Variants in RGS7 observed in about 807,000 individuals in gnomAD.
The protein encoded by RGS7 is regulator of G-protein signaling 7.
A neutral mutation model predicts 81.1 loss-of-function variants in RGS7; 27 were observed. That is an observed-to-expected ratio of 0.33 (90% CI 0.25 to 0.46). The LOEUF is 0.46. Ranked by LOEUF, RGS7 falls within the 20% of genes least tolerant of loss-of-function variation. The pLI is 1.00. For synonymous variants in RGS7, 208 were observed against 207.7 expected (o/e 1.00, Z -0.01); for missense variants, 396 against 607.4 (o/e 0.65, Z 3.66).
At chr1:241,119,640 A>G (rs2066111679) in intron 2 of RGS7, among the ~76,000 whole-genome samples, 1 of 152,244 alleles carries the variant, frequency 6.6e-6, no homozygotes, top group Non-Finnish European at 1.5e-5. Flanking sequence ...GACACAATTC[A>G]TCATACAATA....
At chr1:241,341,655 T>C (rs1322905533) in intron 2 of RGS7, among the ~76,000 whole-genome samples, 1 of 152,074 alleles carries the variant, frequency 6.6e-6, no homozygotes, top group Non-Finnish European at 1.5e-5. Context: ...TAACAACGGC[T>C]AACACTGTGC....
chr1:241,071,874 C>CAAAAA lies in RGS7; in HGVS notation c.175+26787_175+26791dup, dbSNP rs58217460. On this transcript the variant is annotated intron_variant, in intron 3 of 18. Transcript: ENST00000440928. The stretch of plus-strand genomic sequence containing the variant: ...GACAGATGACAGAGTGAGACCCTGT[C>CAAAAA]AAAAAAAAAAAAAAAAAAAAACAAG... 8.7e-3 allele frequency among the ~76,000 whole-genome samples: 494 copies of CAAAAA among 56,812 alleles called. 135 individuals carry two copies. The East Asian group carries it at 0.22, about 25-fold the overall frequency. The allele number at this position is 56,812 out of a possible 152,430, so 37.3% of individuals were successfully genotyped here. A position where few individuals can be genotyped will look rare whatever the true frequency, so the allele number is the denominator to read the frequency against.
chr1:240,854,069 A>C (rs1660639381), intron 9 of RGS7, among the ~76,000 whole-genome samples: 1 of 152,146 alleles, frequency 6.6e-6, no homozygotes, highest in South Asian at 2.1e-4. Context: ...TGTCACATAT[A>C]CATTTTTGAG....
intron 5 of RGS7, among the ~76,000 whole-genome samples, chr1:240,931,782 C>T (rs116740357): frequency 0.012 from 1,828 of 152,208 alleles, 37 homozygotes; most frequent in African/African-American, 0.042. Context: ...ACTGACTAAA[C>T]TACAAAGAAA....
At position 241,135,984 on chromosome 1, in the gene RGS7, G is replaced by C. The variant is rs548259487; in HGVS notation, c.79-37222C>G. ...ACAAAAAAAAAAAAAAAACTAGTTT[G>C]TTATTCTAAGAAAGACATATTTGAA... is the stretch of plus-strand genomic sequence containing the variant. On this transcript the variant is annotated intron_variant, in intron 2 of 18. Transcript: ENST00000440928. Among the ~76,000 whole-genome samples, 3 of 150,634 alleles carry C rather than the reference G, an allele frequency of 2.0e-5. 1 individual carries two copies. Among genetic ancestry groups the C allele is most frequent in the Non-Finnish European group, 4.4e-5 (3 of 67,770 alleles).
chr1:241,211,930 C>T (rs1361041713), intron 2 of RGS7, among the ~76,000 whole-genome samples: 1 of 151,994 alleles, frequency 6.6e-6, no homozygotes, highest in Non-Finnish European at 1.5e-5. Context: ...ACAAGTTATA[C>T]AAGTATAAAT....
At chr1:241,023,550 G>T (rs2059644212) in intron 3 of RGS7, among the ~76,000 whole-genome samples, 1 of 152,156 alleles carries the variant, frequency 6.6e-6, no homozygotes, top group South Asian at 2.1e-4. Flanking sequence ...ACGCCAATTG[G>T]CAAACATGGA....
At chr1:240,974,541 C>T (rs1277561566) in intron 4 of RGS7, among the ~76,000 whole-genome samples, 2 of 152,116 alleles carry the variant, frequency 1.3e-5, no homozygotes, top group East Asian at 1.9e-4. Flanking sequence ...TGTCCTCTGC[C>T]ATTATGTTGC....
intron 2 of RGS7, among the ~76,000 whole-genome samples, chr1:241,342,086 C>T (rs2082595646): frequency 6.6e-6 from 1 of 151,826 alleles, no homozygotes; most frequent in African/African-American, 2.4e-5. Flanking sequence ...GTTGGCCAGG[C>T]TGGTCTCAAA....
At chr1:241,159,915 G>A (rs773970324) in intron 2 of RGS7, among the ~76,000 whole-genome samples, 20 of 152,004 alleles carry the variant, frequency 1.3e-4, no homozygotes, top group African/African-American at 3.1e-4. Flanking sequence ...TTCATCATGC[G>A]TTTGGTAGAG....
chr1:241,250,840 C>T (rs892948104), intron 2 of RGS7, among the ~76,000 whole-genome samples: 2 of 152,172 alleles, frequency 1.3e-5, no homozygotes, highest in East Asian at 3.8e-4. Flanking sequence ...TAAGGCTAAG[C>T]CCTGTGGCTC....
At chr1:241,309,877 T>G (rs554062727) in intron 2 of RGS7, among the ~76,000 whole-genome samples, 1 of 152,312 alleles carries the variant, frequency 6.6e-6, no homozygotes, top group Non-Finnish European at 1.5e-5. Context: ...AGAATCACCA[T>G]GATTGCCTTC....
chr1:240,945,078 G>A (rs1415352625), intron 4 of RGS7, among the ~76,000 whole-genome samples: 1 of 152,216 alleles, frequency 6.6e-6, no homozygotes, highest in African/African-American at 2.4e-5. Flanking sequence ...TTTTAGTTCT[G>A]AGTCCATGAC....
chr1:240,986,858 A>T lies in RGS7; in HGVS notation c.176-3729T>A, dbSNP rs1553376501. ...CGGCCTCCCAAAGTGCTGGGATTAC[A>T]GGCGTGAGCCACCGCGCCCGGCCTA... On this transcript the variant is annotated intron_variant, in intron 3 of 18. Coordinates refer to ENST00000440928, the MANE Select transcript of RGS7 (RefSeq NM_001364886.1). Among the ~76,000 whole-genome samples, 4 of 149,540 alleles carry T rather than the reference A, an allele frequency of 2.7e-5. 1 individual carries two copies. Among genetic ancestry groups the T allele is most frequent in the Non-Finnish European group, 3.0e-5 (2 of 67,622 alleles).
In RGS7 at chr1:240,977,073, CATCT is replaced by C. The variant is rs533520386; in HGVS notation, c.226+6002_226+6005del. 4.7e-3 allele frequency among the ~76,000 whole-genome samples: 689 copies of C among 145,768 alleles called. 7 individuals carry two copies. Among genetic ancestry groups the C allele is most frequent in the African/African-American group, 0.017 (653 of 39,018 alleles). ...CTATTTATATCTATCCATCATCTAT[CATCT>C]ATCTATCCATCTGTACACACACACA... On this transcript the variant is annotated intron_variant, in intron 4 of 18. Coordinates refer to ENST00000440928, the MANE Select transcript of RGS7 (RefSeq NM_001364886.1).
chr1:241,244,501 A>G (rs1262401054), intron 2 of RGS7, among the ~76,000 whole-genome samples: 2 of 152,100 alleles, frequency 1.3e-5, no homozygotes, highest in East Asian at 1.9e-4. Context: ...CTTTTACACT[A>G]TTGGTGGGAC....
chr1:241,336,022 C>CT (rs555745254), intron 2 of RGS7, among the ~76,000 whole-genome samples: 61 of 151,784 alleles, frequency 4.0e-4, no homozygotes, highest in Admixed American at 1.6e-3. Context: ...CTTCTTTTTC[C>CT]TTTTTTTTAT....
intron 2 of RGS7, among the ~76,000 whole-genome samples, chr1:241,229,453 C>A (rs987683597): frequency 6.6e-6 from 1 of 152,172 alleles, no homozygotes; most frequent in African/African-American, 2.4e-5. Flanking sequence ...ATCTCCTCGC[C>A]CTCATTTAGA....
chr1:240,962,185 T>A (rs890064197), intron 4 of RGS7, among the ~76,000 whole-genome samples: 4 of 152,134 alleles, frequency 2.6e-5, no homozygotes, highest in African/African-American at 9.7e-5. Context: ...GACTTCCTAG[T>A]AGAAAAGTTC....
Sources: gnomAD v4.1 joint callset for allele counts (sites outside exome capture counted in the v4.1 genomes callset) on GRCh38, gnomAD v4.1.1 for gene constraint, MANE v1.5 for transcripts, NCBI Gene and HGNC (gene_info 2026-07-23, HGNC 2026-07-21) for gene names.